The following RALYL variants were observed in gnomAD, a reference collection of about 807,000 sequenced individuals.
RALYL encodes the protein RNA-binding Raly-like protein.
RALYL carries 29 observed loss-of-function variants against 35.1 expected under a neutral mutation model. The ratio of observed to expected loss-of-function variants is 0.83; its 90% confidence interval spans 0.61 to 1.13. The LOEUF (loss-of-function observed/expected upper bound fraction) is 1.13, where lower values mean the gene tolerates loss of function less well. RALYL is among the 50% of genes most tolerant of loss of function. The pLI is 0.00. For missense variants in RALYL, 359 were observed against 360.4 expected (o/e 1.00, Z 0.03); for synonymous variants, 120 against 127.6 (o/e 0.94, Z 0.40).
intron 1 of RALYL, among the ~76,000 whole-genome samples, chr8:84,225,259 T>C (rs1271190512): frequency 6.6e-6 from 1 of 152,208 alleles, no homozygotes; most frequent in African/African-American, 2.4e-5. Flanking sequence ...ATGTCATTTC[T>C]AGCTTAGATT....
intron 1 of RALYL, among the ~76,000 whole-genome samples, chr8:84,191,074 T>A (rs1221690648): frequency 6.6e-6 from 1 of 151,840 alleles, no homozygotes; most frequent in Admixed American, 6.6e-5. Flanking sequence ...AATCCATGAA[T>A]TTTTGAAATA....
At chr8:84,363,899 G>A (rs2131305010) in intron 1 of RALYL, among the ~76,000 whole-genome samples, 1 of 152,212 alleles carries the variant, frequency 6.6e-6, no homozygotes, top group South Asian at 2.1e-4. Flanking sequence ...ATTCCCTTAG[G>A]TGTATCTATG....
intron 4 of RALYL, among the ~76,000 whole-genome samples, chr8:84,839,623 G>C (rs1467161275): frequency 6.6e-6 from 1 of 152,218 alleles, no homozygotes; most frequent in African/African-American, 2.4e-5. Flanking sequence ...GAGAGTAGTG[G>C]TTCTCCCAGC....
intron 6 of RALYL, among the ~76,000 whole-genome samples, chr8:84,862,673 G>T (rs115824812): frequency 2.6e-4 from 39 of 152,246 alleles, no homozygotes; most frequent in Admixed American, 2.0e-3. Flanking sequence ...AAAAATCCAG[G>T]ACCAATTTGA....
intron 1 of RALYL, among the ~76,000 whole-genome samples, chr8:84,319,266 G>C (rs138500890): frequency 6.6e-6 from 1 of 152,086 alleles, no homozygotes; most frequent in Non-Finnish European, 1.5e-5. Context: ...AATGCTAAGT[G>C]TTTTAAGTGG....
intron 1 of RALYL, among the ~76,000 whole-genome samples, chr8:84,399,658 G>A (rs903225084): frequency 2.6e-5 from 4 of 152,036 alleles, no homozygotes; most frequent in Non-Finnish European, 5.9e-5. Context: ...ATCTTATTCA[G>A]ATTTTATCAG....
chr8:84,327,641 C>A lies in RALYL; in HGVS notation c.-24+143217C>A, dbSNP rs559260526. 2.6e-4 allele frequency among the ~76,000 whole-genome samples: 39 copies of A among 151,846 alleles called. No homozygotes were observed. The South Asian group carries it at 8.1e-3, about 32-fold the overall frequency. On this transcript the variant is annotated intron_variant, in intron 1 of 8. Transcript: ENST00000521268. ...AGTGGTTGTGACGGAGGTGGTATGACCCACAAAGCCCAAAATCCTTTCTAT... is the reference window on the plus strand; with the variant it reads ...AGTGGTTGTGACGGAGGTGGTATGAACCACAAAGCCCAAAATCCTTTCTAT...
At chr8:84,665,120 A>G (rs1831731109) in intron 2 of RALYL, among the ~76,000 whole-genome samples, 1 of 151,984 alleles carries the variant, frequency 6.6e-6, no homozygotes, top group South Asian at 2.1e-4. Flanking sequence ...TTATGTGATG[A>G]GTCACTTTTA....
intron 1 of RALYL, among the ~76,000 whole-genome samples, chr8:84,416,296 A>G (rs1452314391): frequency 6.6e-6 from 1 of 152,218 alleles, no homozygotes; most frequent in East Asian, 1.9e-4. Context: ...CAGACATTAA[A>G]TATCATCCAA....
At chr8:84,281,852 C>G (rs1278632888) in intron 1 of RALYL, among the ~76,000 whole-genome samples, 1 of 152,006 alleles carries the variant, frequency 6.6e-6, no homozygotes, top group Non-Finnish European at 1.5e-5. Flanking sequence ...CACACATACT[C>G]TTTCCCTTCA....
intron 1 of RALYL, among the ~76,000 whole-genome samples, chr8:84,473,356 T>A (rs906572332): frequency 1.3e-5 from 2 of 151,616 alleles, no homozygotes; most frequent in South Asian, 4.1e-4. Flanking sequence ...AGATTTAATA[T>A]TTAATTTAAT....
At chr8:84,316,675 A>G (rs1448466424) in intron 1 of RALYL, among the ~76,000 whole-genome samples, 2 of 152,140 alleles carry the variant, frequency 1.3e-5, no homozygotes, top group Non-Finnish European at 2.9e-5. Flanking sequence ...TGCATCCGCA[A>G]ATTCAATGTT....
At chr8:84,190,204 G>A (rs1188079792) in intron 1 of RALYL, among the ~76,000 whole-genome samples, 2 of 152,194 alleles carry the variant, frequency 1.3e-5, no homozygotes, top group African/African-American at 4.8e-5. Flanking sequence ...AAATATAGGT[G>A]TCTTGTCTGT....
intron 1 of RALYL, among the ~76,000 whole-genome samples, chr8:84,519,840 T>A (rs1042477008): frequency 3.9e-5 from 6 of 152,224 alleles, no homozygotes; most frequent in Non-Finnish European, 8.8e-5. Flanking sequence ...TAAGGGATCT[T>A]TCCAAATGGG....
Position 84,220,175 on chromosome 8 carries a change from A to T in RALYL, c.-24+35751A>T, listed in dbSNP as rs556928725. On this transcript the variant is annotated intron_variant, in intron 1 of 8. Coordinates refer to ENST00000521268, the MANE Select transcript of RALYL (RefSeq NM_173848.7). Reference sequence around the variant, plus strand: ...CTCACTCCTCTCTTTAAAATTTTGTATTACTAAGTTATGAGATTAATGCTG... The same window carrying T: ...CTCACTCCTCTCTTTAAAATTTTGTTTTACTAAGTTATGAGATTAATGCTG... 2.6e-5 allele frequency among the ~76,000 whole-genome samples: 4 copies of T among 152,196 alleles called. No individual in the cohort carries two copies. In the South Asian group the frequency reaches 8.3e-4, roughly 32 times the overall value.
At chr8:84,579,593 T>C (rs1395695479) in intron 2 of RALYL, among the ~76,000 whole-genome samples, 2 of 152,258 alleles carry the variant, frequency 1.3e-5, no homozygotes, top group Non-Finnish European at 1.5e-5. Flanking sequence ...TCAGCTTTAC[T>C]GTGCATGTGT....
chr8:84,390,585 C>G (rs191988439), intron 1 of RALYL, among the ~76,000 whole-genome samples: 1 of 151,952 alleles, frequency 6.6e-6, no homozygotes, highest in African/African-American at 2.4e-5. Context: ...CTGTATGTGT[C>G]GAGGAATTTA....
At chr8:84,883,442 G>C (rs1174332211) in intron 7 of RALYL, among the ~76,000 whole-genome samples, 1 of 152,032 alleles carries the variant, frequency 6.6e-6, no homozygotes, top group Non-Finnish European at 1.5e-5. Flanking sequence ...TGGCTGGGGA[G>C]GCCTCACAGT....
At chr8:84,459,037 A>T (rs711017) in intron 1 of RALYL, among the ~76,000 whole-genome samples, 90,391 of 151,444 alleles carry the variant, frequency 0.6, 27,260 homozygotes, top group African/African-American at 0.68. Flanking sequence ...TTACTAAAAA[A>T]TCTTGAAACA....
Sources: gnomAD v4.1 joint callset for allele counts (sites outside exome capture counted in the v4.1 genomes callset) on GRCh38, gnomAD v4.1.1 for gene constraint, MANE v1.5 for transcripts, NCBI Gene and HGNC (gene_info 2026-07-23, HGNC 2026-07-21) for gene names.